The following EEIG1 variants were observed in gnomAD, a reference collection of about 807,000 sequenced individuals.
EEIG1 encodes estrogen-induced osteoclastogenesis regulator 1, also known as early estrogen-induced gene 1 protein.
chr9:127,969,598 T>C, the EEIG1 span, among the ~76,000 whole-genome samples: 1 of 152,254 alleles, frequency 6.6e-6, no homozygotes, highest in East Asian at 1.9e-4. Context: ...GATCTAGTTC[T>C]CTGGCAGCCT....
chr9:127,977,554 C>T, the EEIG1 span, among the ~76,000 whole-genome samples: 1 of 152,202 alleles, frequency 6.6e-6, no homozygotes, highest in Admixed American at 6.5e-5. Flanking sequence ...TGGTCCCCAC[C>T]CCACCGCCCA....
the EEIG1 span, among the ~76,000 whole-genome samples, chr9:127,979,743 C>T: frequency 6.6e-6 from 1 of 152,240 alleles, no homozygotes; most frequent in Non-Finnish European, 1.5e-5. Flanking sequence ...CAGAATGGAC[C>T]TACTGCAGGC....
the EEIG1 span, among the ~76,000 whole-genome samples, chr9:127,980,929 G>A: frequency 6.7e-6 from 1 of 149,224 alleles, no homozygotes; most frequent in Non-Finnish European, 1.5e-5. Flanking sequence ...CAGCAGCGCC[G>A]CCCCCTGCGG....
chr9:127,980,387 G>T, the EEIG1 span: 1 of 421,244 alleles, frequency 2.4e-6, no homozygotes, highest in Non-Finnish European at 4.3e-6. Context: ...GGACCTCACC[G>T]GCATGTAAAC....
chr9:127,944,217 G>A, the EEIG1 span: 4 of 274,216 alleles, frequency 1.5e-5, no homozygotes, highest in African/African-American at 2.2e-5. Context: ...GCTGGTGCTA[G>A]GGAAAGATTT....
At chr9:127,945,356 G>T in the EEIG1 span, 1 of 1,573,590 alleles carries the variant, frequency 6.4e-7, no homozygotes, top group Non-Finnish European at 8.6e-7. The surrounding 1 kb of genome is among the most constrained non-coding windows in gnomAD (Gnocchi z 6.5). Context: ...GCACCAAGCA[G>T]TAGGCCTCAC....
chr9:127,979,575 C>T, the EEIG1 span, among the ~76,000 whole-genome samples: 1 of 152,212 alleles, frequency 6.6e-6, no homozygotes, highest in Non-Finnish European at 1.5e-5. Flanking sequence ...TCGGGCCTTC[C>T]CAGGCGCCTG....
chr9:127,972,090 G>C, the EEIG1 span, among the ~76,000 whole-genome samples: 1 of 152,042 alleles, frequency 6.6e-6, no homozygotes, highest in African/African-American at 2.4e-5. This position sits in a 1 kb window ranked among gnomAD's most constrained non-coding sequence, Gnocchi z 4.3. Flanking sequence ...CTGCCTGCCA[G>C]AGCAGGTCCC....
At chr9:127,968,303 T>C in the EEIG1 span, among the ~76,000 whole-genome samples, 1 of 152,076 alleles carries the variant, frequency 6.6e-6, no homozygotes, top group Non-Finnish European at 1.5e-5. Flanking sequence ...ACTCAAGTCA[T>C]GGGGCTGCCT....
chr9:127,955,591 C>T, the EEIG1 span, among the ~76,000 whole-genome samples: 1 of 152,228 alleles, frequency 6.6e-6, no homozygotes, highest in Non-Finnish European at 1.5e-5. Context: ...AGTGATGACT[C>T]ATTGTCACCA....
At chr9:127,953,791 G>A in the EEIG1 span, 62 of 1,613,954 alleles carry the variant, frequency 3.8e-5, no homozygotes, top group East Asian at 4.2e-4. Flanking sequence ...CCCCACATGC[G>A]CCCTTGGCCT....
At chr9:127,957,572 C>T in the EEIG1 span, among the ~76,000 whole-genome samples, 11,514 of 152,314 alleles carry the variant, frequency 0.076, 485 homozygotes, top group Middle Eastern at 0.099. Context: ...CAAAGCCCCA[C>T]GCTGGCTTCT....
the EEIG1 span, among the ~76,000 whole-genome samples, chr9:127,954,404 G>A: frequency 6.6e-6 from 1 of 152,236 alleles, no homozygotes; most frequent in East Asian, 1.9e-4. Context: ...CTCCCAGCCA[G>A]TAGATAGCTG....
At chr9:127,975,759 A>T in the EEIG1 span, among the ~76,000 whole-genome samples, 1 of 152,078 alleles carries the variant, frequency 6.6e-6, no homozygotes, top group African/African-American at 2.4e-5. Context: ...TGAGGCAGAC[A>T]CAGGACTGGT....
At chr9:127,952,914 G>A in the EEIG1 span, among the ~76,000 whole-genome samples, 1,026 of 152,270 alleles carry the variant, frequency 6.7e-3, 5 homozygotes, top group Non-Finnish European at 0.012. Context: ...ACGGGGTTTT[G>A]TCGTATTGCC....
chr9:127,944,497 A>C, the EEIG1 span: 4 of 727,834 alleles, frequency 5.5e-6, no homozygotes, highest in African/African-American at 6.9e-5. Flanking sequence ...TGACAGGCCC[A>C]GGGTCACACT....
the EEIG1 span, among the ~76,000 whole-genome samples, chr9:127,979,019 C>T: frequency 6.6e-6 from 1 of 151,258 alleles, no homozygotes; most frequent in African/African-American, 2.4e-5. Flanking sequence ...CGCGTCCCCC[C>T]AAAAAAGAAA....
chr9:127,980,374 C>T, the EEIG1 span: 10 of 455,844 alleles, frequency 2.2e-5, no homozygotes, highest in Non-Finnish European at 3.5e-5. Flanking sequence ...TCGGAGCGGC[C>T]GGGGACCTCA....
At chr9:127,945,318 C>T in the EEIG1 span, 1 of 1,414,578 alleles carries the variant, frequency 7.1e-7, no homozygotes, top group African/African-American at 1.4e-5. This position sits in a 1 kb window ranked among gnomAD's most constrained non-coding sequence, Gnocchi z 6.5. Context: ...GTTCAAGGCA[C>T]CACCGGGAGA....
Sources: gnomAD v4.1 joint callset for allele counts (sites outside exome capture counted in the v4.1 genomes callset) on GRCh38, gnomAD v4.1.1 for gene constraint, Gnocchi (gnomAD v3.1) non-coding constraint, MANE v1.5 for transcripts, NCBI Gene and HGNC (gene_info 2026-07-23, HGNC 2026-07-21) for gene names.